The following TBC1D1 variants were observed in gnomAD, a reference collection of about 807,000 sequenced individuals.
TBC1D1 encodes the protein TBC1 domain family member 1.
A neutral mutation model predicts 125.6 loss-of-function variants in TBC1D1; 89 were observed. That is an observed-to-expected ratio of 0.71 (90% CI 0.60 to 0.85). TBC1D1 has a LOEUF of 0.85. Among genes scored for constraint, TBC1D1 ranks in the 40% least tolerant of loss-of-function variants. The pLI, the probability that TBC1D1 is intolerant of heterozygous loss-of-function variation, is 0.00. For synonymous variants in TBC1D1, 565 were observed against 564.1 expected (o/e 1.00, Z -0.02); for missense variants, 1,377 against 1,469.2 (o/e 0.94, Z 1.03).
intron 2 of TBC1D1, among the ~76,000 whole-genome samples, chr4:37,919,387 T>C (rs538847252): frequency 2.4e-4 from 37 of 151,520 alleles, no homozygotes; most frequent in African/African-American, 8.5e-4. Context: ...GGTTTCACTG[T>C]GTTGGGTAGG....
chr4:37,956,164 T>A (rs547739246), intron 2 of TBC1D1, among the ~76,000 whole-genome samples: 5 of 152,106 alleles, frequency 3.3e-5, no homozygotes, highest in South Asian at 4.2e-4. Flanking sequence ...GTAGCTGGAA[T>A]GACAACCGGC....
chr4:38,077,269 C>G (rs1755758326), intron 12 of TBC1D1, among the ~76,000 whole-genome samples: 1 of 152,094 alleles, frequency 6.6e-6, no homozygotes, highest in East Asian at 1.9e-4. Context: ...AAATGCTAGA[C>G]AAAGGAGCGT....
intron 2 of TBC1D1, among the ~76,000 whole-genome samples, chr4:37,919,129 G>A (rs1309826804): frequency 6.7e-6 from 1 of 149,804 alleles, no homozygotes; most frequent in African/African-American, 2.5e-5. Flanking sequence ...GAAAATGAAA[G>A]GTTCAGGAGA....
intron 18 of TBC1D1, among the ~76,000 whole-genome samples, chr4:38,130,915 C>T (rs939286491): frequency 2.0e-5 from 3 of 152,148 alleles, no homozygotes; most frequent in Non-Finnish European, 4.4e-5. Context: ...CTTGTGCTGT[C>T]TAAGTGTGCA....
chr4:38,001,092 C>T (rs2152405614), intron 2 of TBC1D1, among the ~76,000 whole-genome samples: 1 of 152,154 alleles, frequency 6.6e-6, no homozygotes, highest in South Asian at 2.1e-4. Context: ...TGGTGGCGGG[C>T]ACCTGTAGTC....
chr4:38,057,749 G>A (rs1751994155), intron 12 of TBC1D1, among the ~76,000 whole-genome samples: 1 of 152,070 alleles, frequency 6.6e-6, no homozygotes, highest in Admixed American at 6.5e-5. Flanking sequence ...TAAGAACATC[G>A]ACATTTTTAT....
chr4:37,960,773 A>G, intron 2 of TBC1D1: 2 of 1,614,176 alleles, frequency 1.2e-6, no homozygotes, highest in Non-Finnish European at 1.7e-6. Context: ...CCTATCCAGA[A>G]ATAGAAAAAT....
chr4:37,898,436 T>C (rs1255236928), intron 1 of TBC1D1, among the ~76,000 whole-genome samples: 3 of 152,188 alleles, frequency 2.0e-5, no homozygotes, highest in African/African-American at 4.8e-5. Context: ...AGCAGGGCAT[T>C]GAGTGCCTGT....
intron 14 of TBC1D1, among the ~76,000 whole-genome samples, chr4:38,100,450 A>T (rs948441247): frequency 6.6e-6 from 1 of 152,208 alleles, no homozygotes; most frequent in Non-Finnish European, 1.5e-5. Context: ...TATGTCTATT[A>T]TAAGAATGCT....
chr4:37,947,545 C>T (rs1035294839), intron 2 of TBC1D1, among the ~76,000 whole-genome samples: 1 of 152,136 alleles, frequency 6.6e-6, no homozygotes, highest in African/African-American at 2.4e-5. Flanking sequence ...ACTGCAGCCT[C>T]GACCTCCTGG....
intron 2 of TBC1D1, among the ~76,000 whole-genome samples, chr4:37,964,568 G>A (rs1307881254): frequency 2.6e-5 from 4 of 152,158 alleles, no homozygotes; most frequent in Non-Finnish European, 4.4e-5. Context: ...CCCGAGATCC[G>A]GCAGCACAGC....
At chr4:38,089,162 C>T (rs1035623016) in intron 12 of TBC1D1, among the ~76,000 whole-genome samples, 15 of 152,120 alleles carry the variant, frequency 9.9e-5, no homozygotes, top group African/African-American at 1.4e-4. Context: ...TAGAGTATGC[C>T]GGTGTACCTC....
chr4:38,016,172 A>G (rs1246701102), intron 3 of TBC1D1, among the ~76,000 whole-genome samples: 1 of 152,252 alleles, frequency 6.6e-6, no homozygotes, highest in East Asian at 1.9e-4. Flanking sequence ...ATCTAATTAT[A>G]ATTGTGGTAA....
At chr4:37,912,465 G>A (rs990159010) in intron 2 of TBC1D1, among the ~76,000 whole-genome samples, 26 of 152,230 alleles carry the variant, frequency 1.7e-4, no homozygotes, top group Admixed American at 2.6e-4. Context: ...AGATAGGAAG[G>A]AAGGGCTAAG....
At chr4:37,973,505 T>C (rs771444298) in intron 2 of TBC1D1, among the ~76,000 whole-genome samples, 14 of 152,242 alleles carry the variant, frequency 9.2e-5, no homozygotes, top group Non-Finnish European at 1.8e-4. Context: ...GTACTTCAGA[T>C]TTCCTTAGTC....
chr4:38,005,490 G>A (rs949091803), intron 2 of TBC1D1, among the ~76,000 whole-genome samples: 4 of 152,162 alleles, frequency 2.6e-5, no homozygotes, highest in African/African-American at 4.8e-5. Flanking sequence ...TCCTTCCCTG[G>A]TGTTTATGTC....
chr4:37,933,380 TAC>T (rs776533287), intron 2 of TBC1D1, among the ~76,000 whole-genome samples: 259 of 151,892 alleles, frequency 1.7e-3, no homozygotes, highest in African/African-American at 5.7e-3. Flanking sequence ...TGTTTATATG[TAC>T]ACACACACAC....
At position 38,021,459 on chromosome 4, in the gene TBC1D1, C is replaced by A. The variant is rs550666068; in HGVS notation, c.1078-127C>A. ...TGTTATTCCAATTATTATCTGTCAA[C>A]CTGTGAAGAGTAGTACAGAAAACTC... On this transcript the variant is annotated intron_variant, in intron 5 of 19. Coordinates refer to ENST00000261439, the MANE Select transcript of TBC1D1 (RefSeq NM_015173.4). The A allele has an allele frequency of 1.1e-5, 8 of 703,220 alleles. No homozygotes were observed. In the South Asian group the frequency reaches 2.0e-4, roughly 17 times the overall value. 43.6% of individuals were successfully genotyped at this position (703,220 alleles called of 1,614,324 possible).
chr4:38,077,722 G>A (rs1327394134), intron 12 of TBC1D1, among the ~76,000 whole-genome samples: 3 of 150,130 alleles, frequency 2.0e-5, no homozygotes, highest in East Asian at 3.9e-4. Context: ...GGGAGCCGTC[G>A]TCATCCTTTT....
Sources: allele counts gnomAD v4.1 joint callset (sites outside exome capture counted in the v4.1 genomes callset), GRCh38; gene constraint gnomAD v4.1.1; transcripts MANE v1.5; gene names NCBI Gene and HGNC (gene_info 2026-07-23, HGNC 2026-07-21).